Variants in TIMD4 observed in about 807,000 individuals in gnomAD.
TIMD4 encodes T-cell immunoglobulin and mucin domain-containing protein 4.
TIMD4 carries 31 observed loss-of-function variants against 41.2 expected under a neutral mutation model. The observed-to-expected ratio is 0.75, with a 90% confidence interval of 0.57 to 1.01. The LOEUF (loss-of-function observed/expected upper bound fraction) is 1.01. Ranked by LOEUF, TIMD4 falls within the 50% of genes least tolerant of loss-of-function variation. The probability of loss-of-function intolerance (pLI) is 0.00; values close to 1 mark genes in which losing one functional copy is unlikely to be tolerated. For synonymous variants in TIMD4, 204 were observed against 177.1 expected (o/e 1.15, Z -1.21); for missense variants, 479 against 472.5 (o/e 1.01, Z -0.13).
chr5:156,924,936 GGC>G (rs1393218298), intron 6 of TIMD4, among the ~76,000 whole-genome samples: 2 of 152,096 alleles, frequency 1.3e-5, no homozygotes, highest in Non-Finnish European at 2.9e-5. Context: ...TAAGGCACAA[GGC>G]TTAGAACTCC....
At chr5:156,954,274 A>T (rs754741178) in intron 2 of TIMD4, 141 bp downstream of exon 2, 43 of 843,232 alleles carry the variant, frequency 5.1e-5, no homozygotes, top group Non-Finnish European at 6.8e-5. Context: ...CCTACTTCAA[A>T]CCACGGCACT....
chr5:156,954,360 T>C, intron 2 of TIMD4, 55 bp downstream of exon 2: 1 of 1,518,016 alleles, frequency 6.6e-7, no homozygotes. Context: ...GATCCCATTG[T>C]CCATTAACCA....
intron 1 of TIMD4, among the ~76,000 whole-genome samples, chr5:156,958,370 AAAGGAAAGGAAAGGAAAG>A (rs1561556056): frequency 1.7e-5 from 2 of 117,102 alleles, no homozygotes; most frequent in Non-Finnish European, 3.6e-5. Flanking sequence ...AAAGGAAAGG[AAAGGAAAGGAAAGGAAAG>A]GATCCAATAG....
At chr5:156,940,667 C>T (rs1207958672) in intron 5 of TIMD4, among the ~76,000 whole-genome samples, 5 of 151,270 alleles carry the variant, frequency 3.3e-5, no homozygotes, top group East Asian at 2.0e-4. Flanking sequence ...AGGTGAGGAG[C>T]GCCTCTGCCC....
chr5:156,922,289 C>T (rs886705022), intron 6 of TIMD4, 73 bp from the exon 7 acceptor site: 3 of 1,121,948 alleles, frequency 2.7e-6, no homozygotes, highest in Admixed American at 3.6e-5. Flanking sequence ...CATCCCAGCC[C>T]AATAGCACCT....
chr5:156,922,098 C>T lies in TIMD4; in HGVS notation c.1012+1G>A. The T allele has an allele frequency of 1.2e-6, 2 of 1,612,578 alleles. No homozygotes were observed. The highest frequency in any genetic ancestry group is 1.7e-6 in the Non-Finnish European group (2 of 1,179,072). ...TCCATCACCTGGCCCTCCCTCCTTA[C>T]CTCTCAGGAGAAACGCCACAAACAA... On this transcript the variant is annotated splice_donor_variant, in intron 7 of 8. Transcript: ENST00000274532. LOFTEE classifies it high-confidence loss of function.
chr5:156,933,854 C>T (rs538411712), intron 5 of TIMD4, among the ~76,000 whole-genome samples: 25 of 152,312 alleles, frequency 1.6e-4, no homozygotes, highest in African/African-American at 6.0e-4. Flanking sequence ...GCCACCGTGC[C>T]CGGCCCTTTC....
chr5:156,919,303 A>G lies in TIMD4; in HGVS notation c.*154T>C. On this transcript the variant is annotated 3_prime_UTR_variant, in exon 9 of 9. Transcript: ENST00000274532. ...CATGGACAGAGAAGTTGTGGTCTCT[A>G]AAGTACCCTTCATTCATGAAACTAA... 1.5e-6 allele frequency: 1 copy of G among 652,394 alleles called. No individual in the cohort carries two copies. The highest frequency in any genetic ancestry group is 2.7e-6 in the Non-Finnish European group (1 of 369,276). The allele number at this position is 652,394 out of a possible 1,614,324, so 40.4% of individuals were successfully genotyped here. A position where few individuals can be genotyped will look rare whatever the true frequency, so the allele number is the denominator to read the frequency against.
chr5:156,954,344 T>A, intron 2 of TIMD4, 71 bp downstream of exon 2: 1 of 1,420,714 alleles, frequency 7.0e-7, no homozygotes, highest in Non-Finnish European at 9.6e-7. Flanking sequence ...TTCACCACCA[T>A]CCACTGATCC....
At chr5:156,926,115 G>T in intron 6 of TIMD4, 148 bp downstream of exon 6, 1 of 712,510 alleles carries the variant, frequency 1.4e-6, no homozygotes, top group Non-Finnish European at 2.3e-6. Context: ...TGTTGGCCAG[G>T]GTGATCTCAA....
rs898797227 is a variant in TIMD4 at position 156,924,227 on chromosome 5, G to A, written c.895-2011C>T. ...CTTCCCTCCCCAAAATCCCATGAAG[G>A]TTTATGAGTTTTACTCTACTAAGTT... is the stretch of plus-strand genomic sequence containing the variant. On this transcript the variant is annotated intron_variant, in intron 6 of 8. Coordinates refer to ENST00000274532, the MANE Select transcript of TIMD4 (RefSeq NM_138379.3). The A allele has an allele frequency of 1.5e-5, 6 of 412,116 alleles. 1 individual carries two copies. Among genetic ancestry groups the A allele is most frequent in the Admixed American group, 1.3e-4 (4 of 30,822 alleles). 25.5% of individuals were successfully genotyped at this position (412,116 alleles called of 1,614,324 possible).
intron 5 of TIMD4, among the ~76,000 whole-genome samples, chr5:156,942,440 A>G (rs1198074765): frequency 6.6e-6 from 1 of 152,186 alleles, no homozygotes; most frequent in Non-Finnish European, 1.5e-5. Flanking sequence ...GTTTCCCAGC[A>G]TTCTACAGAC....
At chr5:156,924,443 AT>A in intron 6 of TIMD4, 4 of 482,842 alleles carry the variant, frequency 8.3e-6, no homozygotes, top group Admixed American at 2.3e-5. Flanking sequence ...CACCTGCTGG[AT>A]TTTTTCCAGG....
At chr5:156,945,397 G>C (rs1450390347) in intron 5 of TIMD4, among the ~76,000 whole-genome samples, 1 of 152,208 alleles carries the variant, frequency 6.6e-6, no homozygotes, top group African/African-American at 2.4e-5. Context: ...AATGGTAGGT[G>C]TTAGCTTCCC....
intron 6 of TIMD4, among the ~76,000 whole-genome samples, chr5:156,923,563 A>C (rs1561543643): frequency 6.6e-6 from 1 of 151,784 alleles, no homozygotes; most frequent in Non-Finnish European, 1.5e-5. Context: ...TTGTAGAGAC[A>C]AGGTCTTGCT....
chr5:156,953,653 C>CAAAAAAAA (rs35165963), intron 2 of TIMD4, among the ~76,000 whole-genome samples: 1 of 58,486 alleles, frequency 1.7e-5, no homozygotes, highest in African/African-American at 6.3e-5. Context: ...AAACTCTGTC[C>CAAAAAAAA]AAAAAAAAAA....
Position 156,926,262 on chromosome 5 carries a change from C to T in TIMD4, c.894+1G>A, listed in dbSNP as rs772331899. The T allele has an allele frequency of 6.8e-5, 109 of 1,612,972 alleles. No individual in the cohort carries two copies. Among genetic ancestry groups the T allele is most frequent in the Admixed American group, 3.8e-4 (23 of 59,932 alleles). ...CTGCAAATACTTCACAGATTTTTTA[C>T]CTGTCCTGTTTTTGTTGTTTTGTTC... On this transcript the variant is annotated splice_donor_variant, in intron 6 of 8. Transcript: ENST00000274532. LOFTEE classifies it high-confidence loss of function.
chr5:156,926,104 G>T (rs112524926), intron 6 of TIMD4, among the ~76,000 whole-genome samples, 159 bp downstream of exon 6: 1 of 152,146 alleles, frequency 6.6e-6, no homozygotes, highest in African/African-American at 2.4e-5. Flanking sequence ...GGGTTTTGCC[G>T]TGTTGGCCAG....
At chr5:156,958,311 A>G (rs1377224187) in intron 1 of TIMD4, among the ~76,000 whole-genome samples, 1 of 3,846 alleles carries the variant, frequency 2.6e-4, no homozygotes, top group Non-Finnish European at 4.6e-4. Flanking sequence ...GAAAGAAGGA[A>G]AGGAAAGGAA....
Sources: gnomAD v4.1 joint callset for allele counts (sites outside exome capture counted in the v4.1 genomes callset) on GRCh38, gnomAD v4.1.1 for gene constraint, MANE v1.5 for transcripts, NCBI Gene and HGNC (gene_info 2026-07-23, HGNC 2026-07-21) for gene names.